Variants in HDAC4 observed in about 807,000 individuals in gnomAD.
The protein encoded by HDAC4 is histone deacetylase A.
HDAC4 carries 16 observed loss-of-function variants against 135.1 expected under a neutral mutation model. The observed-to-expected ratio is 0.12, with a 90% CI of 0.08 to 0.18. The LOEUF is 0.18. Among genes scored for constraint, HDAC4 ranks in the 10% least tolerant of loss-of-function variants. HDAC4 has a pLI of 1.00. For missense variants in HDAC4, 1,143 were observed against 1,511.8 expected, an observed-to-expected ratio of 0.76 and a Z score of 4.05; for synonymous variants, 685 against 653.4, an observed-to-expected ratio of 1.05 and a Z score of -0.74.
At chr2:239,324,782 G>A (rs968001315) in intron 2 of HDAC4, among the ~76,000 whole-genome samples, 1 of 152,250 alleles carries the variant, frequency 6.6e-6, no homozygotes, top group Non-Finnish European at 1.5e-5. Context: ...GGGCGTGGGC[G>A]AGGTGCTGCT....
At chr2:239,387,680 G>C (rs1477973020) in intron 1 of HDAC4, among the ~76,000 whole-genome samples, 1 of 152,194 alleles carries the variant, frequency 6.6e-6, no homozygotes, top group East Asian at 1.9e-4. Context: ...GTGTGGAGAA[G>C]AAAACCGAGG....
chr2:239,132,218 G>A (rs1021771629), intron 11 of HDAC4, among the ~76,000 whole-genome samples: 4 of 152,214 alleles, frequency 2.6e-5, no homozygotes, highest in African/African-American at 7.2e-5. Context: ...GGGGCGGACC[G>A]CTTAGTATCC....
chr2:239,345,970 G>C (rs1367725378), intron 2 of HDAC4, among the ~76,000 whole-genome samples: 14 of 128,310 alleles, frequency 1.1e-4, no homozygotes, highest in Non-Finnish European at 1.6e-4. Context: ...CACACCGTCT[G>C]AAACACATAT....
At chr2:239,281,750 A>ACGCCACTCTACAATTTACC (rs2050772296) in intron 2 of HDAC4, among the ~76,000 whole-genome samples, 1 of 150,156 alleles carries the variant, frequency 6.7e-6, no homozygotes, top group African/African-American at 2.5e-5. Flanking sequence ...CACAATGTAC[A>ACGCCACTCTACAATTTACC]CGCCACTCTA....
chr2:239,101,120 C>T (rs1318582169), intron 16 of HDAC4, among the ~76,000 whole-genome samples: 3 of 152,162 alleles, frequency 2.0e-5, no homozygotes, highest in Admixed American at 2.0e-4. Flanking sequence ...TGAACCTGCT[C>T]AGCCACACCC....
At chr2:239,257,817 A>T (rs115289961) in intron 2 of HDAC4, among the ~76,000 whole-genome samples, 1 of 152,176 alleles carries the variant, frequency 6.6e-6, no homozygotes, top group African/African-American at 2.4e-5. Context: ...ACACATTCAC[A>T]TATCAGGCAG....
intron 2 of HDAC4, among the ~76,000 whole-genome samples, chr2:239,302,733 A>G (rs1040255261): frequency 1.3e-5 from 2 of 152,244 alleles, no homozygotes; most frequent in African/African-American, 2.4e-5. Context: ...TGCTTCACGC[A>G]GAGCGTTTCG....
chr2:239,386,982 G>C lies in HDAC4; in HGVS notation c.-220+13996C>G, dbSNP rs1278167828. ...GGGTTCACCAGGAATCACGCCAGAGGAGCCAGACTGCACACGACTCCAGTG... is the reference window on the plus strand; with the variant it reads ...GGGTTCACCAGGAATCACGCCAGAGCAGCCAGACTGCACACGACTCCAGTG... On this transcript the variant is annotated intron_variant, in intron 1 of 26. Coordinates refer to ENST00000543185, the MANE Select transcript of HDAC4 (RefSeq NM_001378414.1). Among the ~76,000 whole-genome samples the C allele has an allele frequency of 2.6e-5, 4 of 152,366 alleles. No homozygotes were observed. The East Asian group carries it at 7.7e-4, about 29-fold the overall frequency.
rs1235110009 is a variant in HDAC4 at position 239,240,304 on chromosome 2, G to A, written c.23-3640C>T. Among the ~76,000 whole-genome samples the A allele has an allele frequency of 2.0e-5, 3 of 152,260 alleles. No individual in the cohort carries two copies. Among genetic ancestry groups the A allele is most frequent in the Non-Finnish European group, 2.9e-5 (2 of 68,048 alleles). On this transcript the variant is annotated intron_variant, in intron 2 of 26. Transcript: ENST00000543185. This position sits in a 1 kb window ranked among gnomAD's most constrained non-coding sequence, Gnocchi z 4.5. ...TGAAATAGACAAGCTGCGGTACACA[G>A]CCAGCTGGAACGCATGACGGCATCC...
chr2:239,141,635 C>T lies in HDAC4; in HGVS notation c.866-1839G>A, dbSNP rs1282780282. Among the ~76,000 whole-genome samples the T allele has an allele frequency of 5.9e-5, 9 of 152,308 alleles. No homozygotes were observed. The highest frequency in any genetic ancestry group is 2.0e-4 in the Admixed American group (3 of 15,300). On this transcript the variant is annotated intron_variant, in intron 8 of 26. Coordinates refer to ENST00000543185, the MANE Select transcript of HDAC4 (RefSeq NM_001378414.1). The surrounding 1 kb of genome is among the most constrained non-coding windows in gnomAD (Gnocchi z 4.9). ...CATCTCTGCCCCACCTGCAGCCCACCGTAGCCCACCCTAGACCCCTGCTCT... is the reference window on the plus strand; with the variant it reads ...CATCTCTGCCCCACCTGCAGCCCACTGTAGCCCACCCTAGACCCCTGCTCT...
Position 239,308,745 on chromosome 2 carries a change from A to G in HDAC4, c.22+43933T>C, listed in dbSNP as rs962357802. On this transcript the variant is annotated intron_variant, in intron 2 of 26. Coordinates refer to ENST00000543185, the MANE Select transcript of HDAC4 (RefSeq NM_001378414.1). The surrounding 1 kb of genome is among the most constrained non-coding windows in gnomAD (Gnocchi z 4.2). The stretch of plus-strand genomic sequence containing the variant: ...TCCGAATCTGCTAACGTGAAGTGCC[A>G]AGACTGCTGTCCGCCAGCGCCCTCA... Among the ~76,000 whole-genome samples, 14 of 152,266 alleles carry G rather than the reference A, an allele frequency of 9.2e-5. No homozygotes were observed. The highest frequency in any genetic ancestry group is 1.6e-4 in the Non-Finnish European group (11 of 68,022).
chr2:239,096,928 G>T (rs1184881329), intron 16 of HDAC4, among the ~76,000 whole-genome samples: 1 of 152,168 alleles, frequency 6.6e-6, no homozygotes, highest in African/African-American at 2.4e-5. Flanking sequence ...GAGCTGCCAT[G>T]CCAACAGGGA....
intron 15 of HDAC4, among the ~76,000 whole-genome samples, chr2:239,104,758 A>G (rs2037969491): frequency 6.6e-6 from 1 of 152,266 alleles, no homozygotes; most frequent in Non-Finnish European, 1.5e-5. Context: ...TCCCCACTCA[A>G]AAGCGACCCA....
intron 3 of HDAC4, among the ~76,000 whole-genome samples, chr2:239,210,906 T>G (rs1295614739): frequency 6.6e-6 from 1 of 152,184 alleles, no homozygotes; most frequent in African/African-American, 2.4e-5. Flanking sequence ...GCACTATTCC[T>G]TCGCCGGCCA....
At chr2:239,164,794 C>T (rs1313877306) in intron 5 of HDAC4, among the ~76,000 whole-genome samples, 1 of 152,246 alleles carries the variant, frequency 6.6e-6, no homozygotes, top group African/African-American at 2.4e-5. Context: ...AACCACGCTG[C>T]AGTGAACATT....
chr2:239,252,000 T>C (rs974186079), intron 2 of HDAC4, among the ~76,000 whole-genome samples: 22 of 152,224 alleles, frequency 1.4e-4, no homozygotes, highest in Admixed American at 1.2e-3. Context: ...AGTGATTTCT[T>C]TGTATTGCAT....
rs2033821346 is a variant in HDAC4 at position 239,068,562 on chromosome 2, C to T, written c.2796G>A (p.Val932=). The change falls in exon 23 of 27, where the codon GTG becomes GTA. Residue 932 remains valine (V), a synonymous_variant. Coordinates refer to ENST00000543185, the MANE Select transcript of HDAC4 (RefSeq NM_001378414.1). This position sits in a 1 kb window ranked among gnomAD's most constrained non-coding sequence, Gnocchi z 4.4. Reference sequence around the variant, plus strand: ...CGGCATCGAAGCCTGATGACACCAGCACCACATCCGGGGCAAACTCGCTGG... The same window carrying T: ...CGGCATCGAAGCCTGATGACACCAGTACCACATCCGGGGCAAACTCGCTGG... The part of the protein sequence containing the change: ...PIASEFAPDV[V]LVSSGFDAVE... The T allele has an allele frequency of 5.6e-6, 9 of 1,614,098 alleles. No homozygotes were observed. The highest frequency in any genetic ancestry group is 1.3e-5 in the African/African-American group (1 of 75,062).
At chr2:239,190,144 C>G in intron 3 of HDAC4, 67 bp from the exon 4 acceptor site, 1 of 1,547,096 alleles carries the variant, frequency 6.5e-7, no homozygotes, top group Admixed American at 1.8e-5. Context: ...CCCAGAGCCC[C>G]CACCCAACAC....
rs2052363853 is a variant in HDAC4, at chr2:239,303,065, A to G, written c.22+49613T>C. Among the ~76,000 whole-genome samples, 1 of 152,150 alleles carries G rather than the reference A, an allele frequency of 6.6e-6. No homozygotes were observed. The highest frequency in any genetic ancestry group is 1.5e-5 in the Non-Finnish European group (1 of 68,018). ...AAACCCCCCCCGGGTGGGAGAGGTC[A>G]TCACCTCCGCGTACTGAACAGAAGC... On this transcript the variant is annotated intron_variant, in intron 2 of 26. Coordinates refer to ENST00000543185, the MANE Select transcript of HDAC4 (RefSeq NM_001378414.1). This position sits in a 1 kb window ranked among gnomAD's most constrained non-coding sequence, Gnocchi z 5.1.
Sources: gnomAD v4.1 joint callset for allele counts (sites outside exome capture counted in the v4.1 genomes callset) on GRCh38, gnomAD v4.1.1 for gene constraint, Gnocchi (gnomAD v3.1) non-coding constraint, MANE v1.5 for transcripts, NCBI Gene and HGNC (gene_info 2026-07-23, HGNC 2026-07-21) for gene names.